The following RSPO2 variants were observed in gnomAD, a reference collection of about 807,000 sequenced individuals.
The protein encoded by RSPO2 is R-spondin 2.
In RSPO2, 14 loss-of-function variants were observed where a neutral mutation model predicts 30.9. The observed-to-expected ratio is 0.45, with a 90% CI of 0.30 to 0.71. RSPO2 has a LOEUF of 0.71. Among genes scored for constraint, RSPO2 ranks in the 30% least tolerant of loss-of-function variants. RSPO2 has a pLI of 0.08. For missense variants in RSPO2, 264 were observed against 301.9 expected, an observed-to-expected ratio of 0.87 and a Z score of 0.93; for synonymous variants, 107 against 96.4, an observed-to-expected ratio of 1.11 and a Z score of -0.64.
intron 2 of RSPO2, among the ~76,000 whole-genome samples, chr8:108,047,621 G>T (rs1811944693): frequency 6.6e-6 from 1 of 152,146 alleles, no homozygotes; most frequent in Admixed American, 6.6e-5. Context: ...GCCAAGGCAG[G>T]TGGACCATTT....
At chr8:108,013,245 G>A (rs1245883064) in intron 2 of RSPO2, among the ~76,000 whole-genome samples, 2 of 149,874 alleles carry the variant, frequency 1.3e-5, no homozygotes, top group Non-Finnish European at 3.0e-5. Context: ...TTATAGATTT[G>A]CTCTTTCTTT....
chr8:108,062,200 G>A (rs2130706170), intron 2 of RSPO2, among the ~76,000 whole-genome samples: 1 of 151,874 alleles, frequency 6.6e-6, no homozygotes, highest in East Asian at 1.9e-4. Context: ...CAGAACTGAA[G>A]GAGATAGAGA....
At chr8:108,077,812 G>C (rs755494742) in intron 2 of RSPO2, among the ~76,000 whole-genome samples, 17 of 152,010 alleles carry the variant, frequency 1.1e-4, no homozygotes, top group Non-Finnish European at 2.4e-4. Flanking sequence ...TGCAGTTAAT[G>C]GAGAAAAAAT....
At chr8:108,065,166 A>G (rs528032468) in intron 2 of RSPO2, among the ~76,000 whole-genome samples, 51 of 149,404 alleles carry the variant, frequency 3.4e-4, no homozygotes, top group African/African-American at 1.1e-3. Flanking sequence ...AATTTAAAGT[A>G]TAAGTTAAAA....
At chr8:107,983,725 CCAGACTTCT>C in intron 3 of RSPO2, 1 of 1,591,472 alleles carries the variant, frequency 6.3e-7, no homozygotes, top group South Asian at 1.1e-5. Flanking sequence ...GCTGAAAAGG[CCAGACTTCT>C]AAAAGGTCCA....
At chr8:108,022,252 T>G (rs1811082527) in intron 2 of RSPO2, among the ~76,000 whole-genome samples, 1 of 152,114 alleles carries the variant, frequency 6.6e-6, no homozygotes, top group African/African-American at 2.4e-5. Flanking sequence ...TCATAACGTC[T>G]TTCTCTTTTT....
At chr8:108,074,393 C>T (rs1300857455) in intron 2 of RSPO2, among the ~76,000 whole-genome samples, 2 of 152,190 alleles carry the variant, frequency 1.3e-5, no homozygotes, top group Non-Finnish European at 2.9e-5. Context: ...CACCCATACA[C>T]ACATACATGA....
intron 2 of RSPO2, among the ~76,000 whole-genome samples, chr8:108,051,109 GTACCC>G (rs1812066155): frequency 1.3e-5 from 2 of 152,138 alleles, no homozygotes; most frequent in Admixed American, 1.3e-4. Context: ...TAGCCCCACT[GTACCC>G]TTTAACTTCA....
chr8:107,942,785 A>AT (rs1812940389), intron 5 of RSPO2, among the ~76,000 whole-genome samples: 1 of 152,182 alleles, frequency 6.6e-6, no homozygotes, highest in African/African-American at 2.4e-5. Flanking sequence ...ATGCTAAAAC[A>AT]TAAAAAAAAG....
At chr8:108,060,758 G>GA (rs1007569986) in intron 2 of RSPO2, among the ~76,000 whole-genome samples, 7 of 149,832 alleles carry the variant, frequency 4.7e-5, no homozygotes, top group Admixed American at 3.9e-4. Context: ...TGAAATGAAG[G>GA]AAAAAATGTT....
intron 2 of RSPO2, among the ~76,000 whole-genome samples, chr8:108,045,200 G>C (rs1811875715): frequency 6.6e-6 from 1 of 152,006 alleles, no homozygotes; most frequent in Non-Finnish European, 1.5e-5. Flanking sequence ...CTAATATCTA[G>C]AATCTATGAG....
chr8:107,908,105 C>T (rs1211387802), intron 5 of RSPO2, among the ~76,000 whole-genome samples: 1 of 152,248 alleles, frequency 6.6e-6, no homozygotes, highest in South Asian at 2.1e-4. Context: ...TTTACCAGTA[C>T]GGTTTCCTGC....
At chr8:107,947,812 C>T (rs1257222686) in intron 5 of RSPO2, among the ~76,000 whole-genome samples, 1 of 152,234 alleles carries the variant, frequency 6.6e-6, no homozygotes, top group African/African-American at 2.4e-5. Flanking sequence ...TCTCCATGGA[C>T]ACACTTCAGT....
chr8:107,999,545 G>A (rs528698523), intron 2 of RSPO2, among the ~76,000 whole-genome samples: 2 of 152,076 alleles, frequency 1.3e-5, no homozygotes, highest in South Asian at 2.1e-4. Flanking sequence ...AGTGATTCTC[G>A]TGCCTCAGCC....
intron 5 of RSPO2, among the ~76,000 whole-genome samples, chr8:107,946,362 T>G (rs1813057777): frequency 6.6e-6 from 1 of 152,194 alleles, no homozygotes. Flanking sequence ...CAAGCCTGAG[T>G]AACTAGAAGA....
intron 2 of RSPO2, among the ~76,000 whole-genome samples, chr8:107,995,279 G>T (rs1209214246): frequency 1.3e-5 from 2 of 151,928 alleles, no homozygotes; most frequent in African/African-American, 2.4e-5. Flanking sequence ...GCAATTGTTG[G>T]GGGGCAGAGC....
At chr8:108,043,932 T>TA (rs1811833139) in intron 2 of RSPO2, among the ~76,000 whole-genome samples, 7 of 151,826 alleles carry the variant, frequency 4.6e-5, no homozygotes, top group Non-Finnish European at 1.0e-4. Flanking sequence ...TTTTCTACTT[T>TA]TAAAAAAAAA....
chr8:107,943,169 A>G (rs1812952897), intron 5 of RSPO2, among the ~76,000 whole-genome samples: 1 of 152,242 alleles, frequency 6.6e-6, no homozygotes, highest in South Asian at 2.1e-4. Context: ...TGCAGTGCTG[A>G]AAATACTTAT....
intron 5 of RSPO2, among the ~76,000 whole-genome samples, chr8:107,912,363 T>C (rs1180849902): frequency 6.6e-6 from 1 of 152,156 alleles, no homozygotes; most frequent in Non-Finnish European, 1.5e-5. Flanking sequence ...TGCAAACCTC[T>C]TTCTGCCTGG....
Sources: allele counts gnomAD v4.1 joint callset (sites outside exome capture counted in the v4.1 genomes callset), GRCh38; gene constraint gnomAD v4.1.1; transcripts MANE v1.5; gene names NCBI Gene and HGNC (gene_info 2026-07-23, HGNC 2026-07-21).